CDH13: variants seen among roughly 807,000 people sequenced by gnomAD.
CDH13 encodes the protein cadherin-13.
In CDH13, 24 loss-of-function variants were observed where a neutral mutation model predicts 63.8. The ratio of observed to expected loss-of-function variants is 0.38; its 90% CI spans 0.27 to 0.53. The LOEUF is 0.53. Ranked by LOEUF, CDH13 falls within the 20% of genes least tolerant of loss-of-function variation. CDH13 has a pLI of 0.85. For synonymous variants in CDH13, 503 were observed against 355.3 expected (o/e 1.42, Z -4.67); for missense variants, 1,049 against 903.1 (o/e 1.16, Z -2.07).
chr16:83,141,864 G>T (rs534987756), intron 4 of CDH13, among the ~76,000 whole-genome samples: 1 of 152,154 alleles, frequency 6.6e-6, no homozygotes, highest in Admixed American at 6.5e-5. Flanking sequence ...TTTTATGGCT[G>T]CATAGTATTC....
At chr16:83,091,042 C>G (rs1321027009) in intron 3 of CDH13, among the ~76,000 whole-genome samples, 1 of 151,964 alleles carries the variant, frequency 6.6e-6, no homozygotes, top group African/African-American at 2.4e-5. Flanking sequence ...TTCTATGTTG[C>G]TACATGATCT....
At chr16:83,374,519 C>G (rs562995123) in intron 6 of CDH13, among the ~76,000 whole-genome samples, 42 of 152,236 alleles carry the variant, frequency 2.8e-4, no homozygotes, top group Admixed American at 1.7e-3. Flanking sequence ...GAAAACATAC[C>G]CCAAACTTGA....
intron 2 of CDH13, among the ~76,000 whole-genome samples, chr16:82,974,093 TTTTG>T (rs1431895490): frequency 1.3e-5 from 2 of 152,036 alleles, no homozygotes; most frequent in African/African-American, 2.4e-5. Context: ...CAGCCAACTG[TTTTG>T]TTTGTTTGTT....
chr16:82,880,796 T>C (rs2040676350), intron 2 of CDH13, among the ~76,000 whole-genome samples: 1 of 152,218 alleles, frequency 6.6e-6, no homozygotes, highest in Non-Finnish European at 1.5e-5. Context: ...AGTTTTATGA[T>C]ACCAAGGCAA....
At chr16:83,782,892 G>A (rs1402232154) in intron 12 of CDH13, among the ~76,000 whole-genome samples, 1 of 152,150 alleles carries the variant, frequency 6.6e-6, no homozygotes, top group Non-Finnish European at 1.5e-5. Flanking sequence ...GCTTTTTCGT[G>A]TAATAAATTT....
chr16:83,783,316 A>T lies in CDH13; in HGVS notation c.1978A>T (p.Met660Leu). Residue 660 changes from methionine to leucine, a missense_variant, in exon 13 of 14, where the codon ATG becomes TTG. Coordinates refer to ENST00000567109, the MANE Select transcript of CDH13 (RefSeq NM_001257.5). ...CAAAGCAAACTACAACCTGCCCATCATGGTGACAGATTCAGGGAAACCACC... is the reference window on the plus strand; with the variant it reads ...CAAAGCAAACTACAACCTGCCCATCTTGGTGACAGATTCAGGGAAACCACC... ...LNKANYNLPI[M>L]VTDSGKPPMT... 1 of 1,614,002 alleles carries T rather than the reference A, an allele frequency of 6.2e-7. No individual in the cohort carries two copies. The highest frequency in any genetic ancestry group is 8.5e-7 in the Non-Finnish European group (1 of 1,179,886).
intron 2 of CDH13, among the ~76,000 whole-genome samples, chr16:83,013,509 G>C (rs1356718835): frequency 6.6e-6 from 1 of 152,140 alleles, no homozygotes; most frequent in Non-Finnish European, 1.5e-5. Context: ...CCTTCCACAT[G>C]ATCTGTACAC....
intron 11 of CDH13, 147 bp downstream of exon 11, chr16:83,748,397 CAT>C (rs1597170433): frequency 1.5e-6 from 1 of 684,894 alleles, no homozygotes; most frequent in African/African-American, 1.8e-5. Flanking sequence ...TAAATATACA[CAT>C]GTTGAGTTCA....
chr16:83,192,357 G>A (rs1277594658), intron 4 of CDH13, among the ~76,000 whole-genome samples: 1 of 152,234 alleles, frequency 6.6e-6, no homozygotes, highest in African/African-American at 2.4e-5. Flanking sequence ...GGTAGATGCA[G>A]AATAAAGGGT....
intron 1 of CDH13, among the ~76,000 whole-genome samples, chr16:82,685,728 C>T (rs146387548): frequency 8.5e-5 from 13 of 152,296 alleles, no homozygotes; most frequent in Admixed American, 1.3e-4. Flanking sequence ...AGGCAGCTTT[C>T]GCTTCAGTTG....
At chr16:82,867,131 G>T (rs11150504) in intron 2 of CDH13, among the ~76,000 whole-genome samples, 14,555 of 152,202 alleles carry the variant, frequency 0.096, 832 homozygotes, top group Admixed American at 0.18. Flanking sequence ...ACTCTCATCT[G>T]CCCATTTTAC....
In CDH13 at chr16:83,686,076, C is replaced by G. The variant is rs187296292; in HGVS notation, c.1538+7615C>G. Among the ~76,000 whole-genome samples, 741 of 152,226 alleles carry G rather than the reference C, an allele frequency of 4.9e-3. 31 individuals are homozygous for G. The highest frequency in any genetic ancestry group is 1.0e-3 in the Non-Finnish European group (69 of 68,024). ...CCTTTTTACTGATGAGGAGAGAGAA[C>G]CTCCCTGAGCCGTGGTTAAAGGAGG... is the stretch of plus-strand genomic sequence containing the variant. On this transcript the variant is annotated intron_variant, in intron 10 of 13. Coordinates refer to ENST00000567109, the MANE Select transcript of CDH13 (RefSeq NM_001257.5).
intron 2 of CDH13, among the ~76,000 whole-genome samples, chr16:82,878,356 A>C (rs1166761729): frequency 6.6e-6 from 1 of 151,772 alleles, no homozygotes; most frequent in Non-Finnish European, 1.5e-5. Flanking sequence ...TAAATGTTGA[A>C]TCTTTCACTC....
At chr16:83,551,080 C>CTATCTATT (rs2075484110) in intron 7 of CDH13, among the ~76,000 whole-genome samples, 1 of 151,624 alleles carries the variant, frequency 6.6e-6, no homozygotes, top group Non-Finnish European at 1.5e-5. Context: ...ATCTATCTAT[C>CTATCTATT]TATCTATCTA....
chr16:83,302,679 AGAGTG>A (rs2089776985), intron 5 of CDH13, among the ~76,000 whole-genome samples: 1 of 152,218 alleles, frequency 6.6e-6, no homozygotes. Context: ...TCATAGTCTA[AGAGTG>A]GAGTCAGATA....
At chr16:83,114,250 A>G (rs375978303) in intron 3 of CDH13, among the ~76,000 whole-genome samples, 20 of 152,216 alleles carry the variant, frequency 1.3e-4, no homozygotes, top group South Asian at 6.2e-4. Flanking sequence ...GCCGTCCCCA[A>G]CGCCTCTGAT....
At chr16:83,539,940 A>T (rs547923613) in intron 7 of CDH13, among the ~76,000 whole-genome samples, 6 of 152,274 alleles carry the variant, frequency 3.9e-5, no homozygotes, top group Admixed American at 3.9e-4. Context: ...ATTCCCTGAC[A>T]TTCCATTGGT....
At chr16:83,210,974 C>G (rs1203811254) in intron 4 of CDH13, among the ~76,000 whole-genome samples, 2 of 151,610 alleles carry the variant, frequency 1.3e-5, no homozygotes, top group Non-Finnish European at 2.9e-5. Context: ...ACAGTGAAAC[C>G]CTGTCTCTAC....
At chr16:82,792,943 G>A (rs375032396) in intron 1 of CDH13, among the ~76,000 whole-genome samples, 8 of 152,222 alleles carry the variant, frequency 5.3e-5, no homozygotes, top group South Asian at 2.1e-4. Flanking sequence ...GACAGCATTG[G>A]ACTGTTATGC....
Sources: gnomAD v4.1 joint callset for allele counts (sites outside exome capture counted in the v4.1 genomes callset) on GRCh38, gnomAD v4.1.1 for gene constraint, MANE v1.5 for transcripts, NCBI Gene and HGNC (gene_info 2026-07-23, HGNC 2026-07-21) for gene names.